Variants in KCNN2 observed in about 807,000 individuals in gnomAD.
The protein encoded by KCNN2 is small conductance calcium-activated potassium channel protein 2.
A neutral mutation model predicts 55.5 loss-of-function variants in KCNN2; 24 were observed. That is an observed-to-expected ratio of 0.43 (90% CI 0.31 to 0.61). KCNN2 has a LOEUF of 0.61. Ranked by LOEUF, KCNN2 falls within the 20% of genes least tolerant of loss-of-function variation. The pLI, the probability that KCNN2 is intolerant of heterozygous loss-of-function variation, is 0.08. For synonymous variants in KCNN2, 431 were observed against 336.1 expected, an observed-to-expected ratio of 1.28 and a Z score of -3.09; for missense variants, 754 against 853.6, an observed-to-expected ratio of 0.88 and a Z score of 1.45.
intron 1 of KCNN2, among the ~76,000 whole-genome samples, chr5:114,068,825 T>G (rs1750505920): frequency 6.6e-6 from 1 of 152,148 alleles, no homozygotes; most frequent in South Asian, 2.1e-4. Context: ...TTTCTTTTTC[T>G]TTTCTTTTGA....
chr5:114,078,267 C>A (rs551634399), intron 1 of KCNN2, among the ~76,000 whole-genome samples: 1 of 151,822 alleles, frequency 6.6e-6, no homozygotes, highest in African/African-American at 2.4e-5. Flanking sequence ...AATTAGAATA[C>A]AGAACACATA....
At chr5:114,493,536 A>C (rs1747965849) in intron 7 of KCNN2, 64 bp downstream of exon 7, 2 of 1,100,052 alleles carry the variant, frequency 1.8e-6, no homozygotes, top group African/African-American at 3.1e-5. Context: ...CACAGTCACT[A>C]ATCATGAATG....
At chr5:114,305,191 T>G (rs1314619694) in intron 2 of KCNN2, among the ~76,000 whole-genome samples, 1 of 152,146 alleles carries the variant, frequency 6.6e-6, no homozygotes, top group Non-Finnish European at 1.5e-5. Context: ...CAGGGGGTAG[T>G]CTCCTCAGCA....
intron 6 of KCNN2, chr5:114,490,751 G>A (rs932644932): frequency 2.5e-6 from 1 of 397,992 alleles, no homozygotes; most frequent in Non-Finnish European, 4.4e-6. Flanking sequence ...TCTACTGGCT[G>A]CATGCACCCA....
At chr5:114,135,353 T>C (rs1366610444) in intron 1 of KCNN2, among the ~76,000 whole-genome samples, 4 of 152,130 alleles carry the variant, frequency 2.6e-5, no homozygotes, top group Admixed American at 2.6e-4. Flanking sequence ...GATAATAAAC[T>C]AGGTGTTGCT....
chr5:114,292,016 T>TCACC (rs1168463723), intron 2 of KCNN2, among the ~76,000 whole-genome samples: 4 of 151,400 alleles, frequency 2.6e-5, no homozygotes, highest in Non-Finnish European at 4.4e-5. Flanking sequence ...TTCATATCCT[T>TCACC]CACCCACTTT....
intron 2 of KCNN2, among the ~76,000 whole-genome samples, chr5:114,323,206 C>T (rs1381692897): frequency 2.0e-5 from 3 of 151,810 alleles, no homozygotes; most frequent in Admixed American, 2.0e-4. Flanking sequence ...TAAAGCTCCT[C>T]AGTAGGAAAC....
intron 2 of KCNN2, among the ~76,000 whole-genome samples, chr5:114,349,600 A>C (rs2150039677): frequency 6.6e-6 from 1 of 152,218 alleles, no homozygotes; most frequent in African/African-American, 2.4e-5. Context: ...GATCCCAAGC[A>C]TTCTGGATAA....
At chr5:114,386,255 A>G (rs909929664) in intron 2 of KCNN2, among the ~76,000 whole-genome samples, 5 of 151,880 alleles carry the variant, frequency 3.3e-5, no homozygotes, top group Middle Eastern at 3.4e-3. Flanking sequence ...GCTTGAGAGC[A>G]GTGGAATCTT....
intron 2 of KCNN2, among the ~76,000 whole-genome samples, chr5:114,254,453 T>C (rs1013189646): frequency 5.9e-5 from 9 of 152,182 alleles, no homozygotes; most frequent in African/African-American, 1.9e-4. Context: ...AAAACTGATA[T>C]TCAGGCAGAT....
intron 1 of KCNN2, among the ~76,000 whole-genome samples, chr5:114,144,316 T>G (rs1752351525): frequency 6.6e-6 from 1 of 152,172 alleles, no homozygotes; most frequent in South Asian, 2.1e-4. Flanking sequence ...ATTTGGCCAA[T>G]TTTTGATCAA....
At chr5:114,123,520 G>A (rs1370636238) in intron 1 of KCNN2, among the ~76,000 whole-genome samples, 1 of 119,358 alleles carries the variant, frequency 8.4e-6, no homozygotes, top group Non-Finnish European at 1.7e-5. Flanking sequence ...CCGCCACCAC[G>A]CCCGGCTAAT....
rs749678862 is a variant in KCNN2, at chr5:114,463,029, T to TTTTG, written c.1638-15_1638-12dup. 2.5e-6 allele frequency: 4 copies of TTTTG among 1,608,664 alleles called. No individual in the cohort carries two copies. Among genetic ancestry groups the TTTTG allele is most frequent in the Admixed American group, 1.7e-5 (1 of 59,328 alleles). On this transcript the variant is annotated intron_variant, in intron 3 of 7. Coordinates refer to ENST00000673685, the MANE Select transcript of KCNN2 (RefSeq NM_021614.4). ...TTGGAGATTAATTATAAAGGACTGG[T>TTTTG]TTTGTTTGCTGTTTTTCAGGTACCA...
intron 1 of KCNN2, among the ~76,000 whole-genome samples, chr5:114,120,674 G>C (rs1751809083): frequency 6.6e-6 from 1 of 152,144 alleles, no homozygotes; most frequent in African/African-American, 2.4e-5. Flanking sequence ...TGTAAGCAGT[G>C]GGAGATGGGG....
chr5:114,072,343 T>G (rs1750590944), intron 1 of KCNN2, among the ~76,000 whole-genome samples: 1 of 151,290 alleles, frequency 6.6e-6, no homozygotes, highest in Non-Finnish European at 1.5e-5. Context: ...ACCCTCACCC[T>G]CTTTTGCCCT....
chr5:114,462,378 A>T (rs946024595), intron 3 of KCNN2, among the ~76,000 whole-genome samples: 3 of 152,208 alleles, frequency 2.0e-5, no homozygotes, highest in African/African-American at 7.2e-5. Flanking sequence ...AACTGGTAAG[A>T]CAACTTCTAT....
rs80171098 is a variant in KCNN2 at position 114,132,962 on chromosome 5, T to C, written c.-271+76462T>C. 7.3e-4 allele frequency among the ~76,000 whole-genome samples: 111 copies of C among 152,296 alleles called. No homozygotes were observed. The East Asian group carries it at 0.02, about 27-fold the overall frequency. On this transcript the variant is annotated intron_variant, in intron 1 of 10. Coordinates refer to the KCNN2 transcript ENST00000512097. ...CTGATGATGTATTAACAGGGACCTT[T>C]TATACACCCTAATCAAGTGGGAATG...
At chr5:114,270,634 G>A (rs1755308413) in intron 2 of KCNN2, among the ~76,000 whole-genome samples, 1 of 152,110 alleles carries the variant, frequency 6.6e-6, no homozygotes, top group South Asian at 2.1e-4. Context: ...TTATTTTCCT[G>A]TTTCATATTT....
At chr5:114,357,118 A>C (rs1580743472), upstream of KCNN2, among the ~76,000 whole-genome samples, 3 of 152,198 alleles carry the variant, frequency 2.0e-5, no homozygotes, top group Non-Finnish European at 4.4e-5. Context: ...GATGCCAGGG[A>C]CCCCTGGTCT....
Sources: allele counts gnomAD v4.1 joint callset (sites outside exome capture counted in the v4.1 genomes callset), GRCh38; gene constraint gnomAD v4.1.1; transcripts MANE v1.5; gene names NCBI Gene and HGNC (gene_info 2026-07-23, HGNC 2026-07-21).